Variants in PEAK1 observed in about 807,000 individuals in gnomAD.
PEAK1 encodes inactive tyrosine-protein kinase PEAK1.
Under a neutral mutation model 124.7 loss-of-function variants are expected in PEAK1, and 54 were observed. The observed-to-expected ratio is 0.43, with a 90% confidence interval of 0.35 to 0.54. The LOEUF (loss-of-function observed/expected upper bound fraction) is 0.54, where lower values mean the gene tolerates loss of function less well. Among genes scored for constraint, PEAK1 ranks in the 20% least tolerant of loss-of-function variants. The pLI, the probability that PEAK1 is intolerant of heterozygous loss-of-function variation, is 0.01. For missense variants in PEAK1, 2,046 were observed against 2,134.5 expected, an observed-to-expected ratio of 0.96 and a Z score of 0.82; for synonymous variants, 719 against 760.0, an observed-to-expected ratio of 0.95 and a Z score of 0.89.
chr15:77,361,800 AAT>A (rs2067904765), intron 2 of PEAK1, among the ~76,000 whole-genome samples: 1 of 152,202 alleles, frequency 6.6e-6, no homozygotes, highest in Non-Finnish European at 1.5e-5. Context: ...CACTACTGAC[AAT>A]AGCCAAGATA....
intron 6 of PEAK1, among the ~76,000 whole-genome samples, chr15:77,232,422 T>G (rs1187420867): frequency 3.9e-5 from 6 of 152,118 alleles, no homozygotes; most frequent in Admixed American, 1.3e-4. Flanking sequence ...TCCAATCACT[T>G]CTTTCTATAT....
At chr15:77,158,220 A>G (rs765546153) in intron 8 of PEAK1, 7 of 346,326 alleles carry the variant, frequency 2.0e-5, no homozygotes, top group Non-Finnish European at 3.8e-5. Flanking sequence ...TATTTATATT[A>G]CACTGAAATA....
chr15:77,301,809 G>A (rs2063802626), intron 2 of PEAK1, among the ~76,000 whole-genome samples: 1 of 152,072 alleles, frequency 6.6e-6, no homozygotes, highest in African/African-American at 2.4e-5. Context: ...CATTGAGGGT[G>A]GAATGTCTAA....
At chr15:77,147,190 T>C (rs1270228811) in intron 8 of PEAK1, among the ~76,000 whole-genome samples, 1 of 152,212 alleles carries the variant, frequency 6.6e-6, no homozygotes, top group East Asian at 1.9e-4. Flanking sequence ...ATGGAGCACA[T>C]AGACTTGAAA....
chr15:77,193,920 C>CA (rs2057980010), intron 6 of PEAK1, among the ~76,000 whole-genome samples: 1 of 152,176 alleles, frequency 6.6e-6, no homozygotes, highest in Non-Finnish European at 1.5e-5. Context: ...AAGGGTGGAA[C>CA]AACTTTCCAG....
intron 2 of PEAK1, among the ~76,000 whole-genome samples, chr15:77,340,500 T>A (rs947095558): frequency 6.6e-6 from 1 of 152,216 alleles, no homozygotes; most frequent in African/African-American, 2.4e-5. Context: ...CAGATGACTT[T>A]TCCAGCAGTG....
chr15:77,192,842 G>GA (rs950458996), intron 6 of PEAK1, among the ~76,000 whole-genome samples: 16 of 148,130 alleles, frequency 1.1e-4, no homozygotes, highest in South Asian at 2.1e-4. Flanking sequence ...TTTTTTAAAT[G>GA]AAAAAAAAAT....
chr15:77,202,907 C>G (rs762463136), intron 6 of PEAK1, among the ~76,000 whole-genome samples: 1 of 151,284 alleles, frequency 6.6e-6, no homozygotes, highest in South Asian at 2.1e-4. Flanking sequence ...TGTGGCAGTG[C>G]GCACCTGTAG....
chr15:77,262,130 A>G lies in PEAK1; in HGVS notation c.-274-9604T>C, dbSNP rs2061473153. On this transcript the variant is annotated intron_variant, in intron 5 of 9. Coordinates refer to ENST00000682557, the MANE Select transcript of PEAK1 (RefSeq NM_001385026.1). ...GGAAGCACTAAACATGGAAAGGAAC[A>G]ACCAGTTCCAGCCACTGCAAAAACA... Among the ~76,000 whole-genome samples, 3 of 152,330 alleles carry G rather than the reference A, an allele frequency of 2.0e-5. 1 individual carries two copies. In the South Asian group the frequency reaches 6.2e-4, roughly 32 times the overall value.
At chr15:77,260,390 T>C (rs187487547) in intron 5 of PEAK1, among the ~76,000 whole-genome samples, 1 of 152,180 alleles carries the variant, frequency 6.6e-6, no homozygotes, top group East Asian at 1.9e-4. Context: ...ACAGTAAGAA[T>C]CAGGGAAATG....
chr15:77,398,100 C>A (rs1314409745), intron 1 of PEAK1, among the ~76,000 whole-genome samples: 1 of 151,940 alleles, frequency 6.6e-6, no homozygotes, highest in African/African-American at 2.4e-5. Context: ...ATAATGAGAT[C>A]AATGCTATAA....
At chr15:77,117,981 C>T (rs1368693428) in intron 9 of PEAK1, among the ~76,000 whole-genome samples, 1 of 152,310 alleles carries the variant, frequency 6.6e-6, no homozygotes, top group East Asian at 1.9e-4. Flanking sequence ...TTTAGCTTCA[C>T]AGATCTACTT....
chr15:77,282,505 G>A lies in PEAK1; in HGVS notation c.-275+1378C>T, dbSNP rs138451113. On this transcript the variant is annotated intron_variant, in intron 5 of 9. Coordinates refer to ENST00000682557, the MANE Select transcript of PEAK1 (RefSeq NM_001385026.1). ...CCTTCTGAATCACAAGGCCATCCAC[G>A]TGTACAAAGGGAATGCTTTAATAAG... Among the ~76,000 whole-genome samples the A allele has an allele frequency of 1.5e-3, 232 of 152,202 alleles. 1 individual carries two copies. The highest frequency in any genetic ancestry group is 2.7e-3 in the Non-Finnish European group (182 of 68,012).
chr15:77,243,330 A>G (rs2152914812), intron 6 of PEAK1, among the ~76,000 whole-genome samples: 1 of 152,366 alleles, frequency 6.6e-6, no homozygotes, highest in Non-Finnish European at 1.5e-5. Flanking sequence ...GAGATATCAT[A>G]AGCTCCTGTT....
intron 9 of PEAK1, among the ~76,000 whole-genome samples, chr15:77,123,324 A>G (rs1256701179): frequency 6.6e-6 from 1 of 152,196 alleles, no homozygotes; most frequent in African/African-American, 2.4e-5. Flanking sequence ...TCATAAGTGC[A>G]ATGAAAAAAC....
chr15:77,346,767 T>C (rs2066897063), intron 2 of PEAK1: 2 of 976,412 alleles, frequency 2.0e-6, no homozygotes, highest in Non-Finnish European at 2.4e-6. Flanking sequence ...TATTCATTCA[T>C]TGGTCACTCA....
chr15:77,334,560 T>A (rs2066080052), intron 2 of PEAK1: 1 of 985,272 alleles, frequency 1.0e-6, no homozygotes. Context: ...TCTCTATACC[T>A]CCATCAACTC....
At chr15:77,246,258 C>T (rs1169887230) in intron 6 of PEAK1, among the ~76,000 whole-genome samples, 3 of 152,292 alleles carry the variant, frequency 2.0e-5, no homozygotes, top group East Asian at 1.9e-4. Context: ...CCGCCTGCCT[C>T]GGCCTCCCAA....
At chr15:77,324,683 G>C (rs551239142) in intron 2 of PEAK1, among the ~76,000 whole-genome samples, 1 of 152,122 alleles carries the variant, frequency 6.6e-6, no homozygotes, top group Admixed American at 6.5e-5. Flanking sequence ...CAAAGGGGGA[G>C]GAGGCATCAC....
Sources: gnomAD v4.1 joint callset for allele counts (sites outside exome capture counted in the v4.1 genomes callset) on GRCh38, gnomAD v4.1.1 for gene constraint, MANE v1.5 for transcripts, NCBI Gene and HGNC (gene_info 2026-07-23, HGNC 2026-07-21) for gene names.